Variants in DIAPH2 observed in about 807,000 individuals in gnomAD.
The protein encoded by DIAPH2 is protein diaphanous homolog 2.
A neutral mutation model predicts 92.7 loss-of-function variants in DIAPH2; 35 were observed. The observed-to-expected ratio is 0.38, with a 90% CI of 0.29 to 0.50. The LOEUF (loss-of-function observed/expected upper bound fraction) is 0.50, where lower values mean the gene tolerates loss of function less well. Among genes scored for constraint, DIAPH2 ranks in the 20% least tolerant of loss-of-function variants. The probability of loss-of-function intolerance (pLI) is 0.94; values close to 1 mark genes in which losing one functional copy is unlikely to be tolerated. For synonymous variants in DIAPH2, 301 were observed against 280.4 expected (o/e 1.07, Z -0.73); for missense variants, 701 against 819.5 (o/e 0.86, Z 1.77).
Position 97,585,253 on chromosome X carries a change from C to CT in DIAPH2, c.3242-13983dup, listed in dbSNP as rs5903087. Among the ~76,000 whole-genome samples, 549 of 92,195 alleles carry CT rather than the reference C, an allele frequency of 6.0e-3. 8 individuals carry two copies. The highest frequency in any genetic ancestry group is 0.02 in the African/African-American group (515 of 25,350). The allele number at this position is 92,195 out of a possible 115,157, so 80.1% of individuals were successfully genotyped here. A position where few individuals can be genotyped will look rare whatever the true frequency, so the allele number is the denominator to read the frequency against. ...ATAATGCCCTAGTGAGCTCCACTGA[C>CT]TTTTTTTTTTTTTTTTTAATGAAAT... On this transcript the variant is annotated intron_variant, in intron 26 of 26. Coordinates refer to ENST00000324765, the MANE Select transcript of DIAPH2 (RefSeq NM_006729.5).
Position 96,905,569 on chromosome X carries a change from A to T in DIAPH2, c.588-6759A>T, listed in dbSNP as rs775562367. Among the ~76,000 whole-genome samples the T allele has an allele frequency of 9.9e-5, 11 of 111,593 alleles. No individual in the cohort carries two copies. The South Asian group carries it at 2.7e-3, about 27-fold the overall frequency. On this transcript the variant is annotated intron_variant, in intron 5 of 26. Transcript: ENST00000324765. ...ATTGAATCTTCTGATACCTTCATTAAATGTAAGATTTTCTTTCCTTTGATC... is the reference window on the plus strand; with the variant it reads ...ATTGAATCTTCTGATACCTTCATTATATGTAAGATTTTCTTTCCTTTGATC...
intron 16 of DIAPH2, among the ~76,000 whole-genome samples, chrX:96,962,410 TATATATACAC>T (rs1232586740): frequency 3.3e-5 from 2 of 61,414 alleles, no homozygotes; most frequent in African/African-American, 1.1e-4. Flanking sequence ...TATACACATA[TATATATACAC>T]ATATATATAC....
At chrX:97,526,768 T>C (rs2071027233) in intron 26 of DIAPH2, among the ~76,000 whole-genome samples, 1 of 111,829 alleles carries the variant, frequency 8.9e-6, no homozygotes, top group African/African-American at 3.3e-5. Flanking sequence ...AATTCTCTTA[T>C]TTGAACATGT....
intron 26 of DIAPH2, among the ~76,000 whole-genome samples, chrX:97,452,768 G>C (rs1417576493): frequency 2.7e-5 from 3 of 112,218 alleles, no homozygotes; most frequent in Non-Finnish European, 5.6e-5. Context: ...AGTCACCCAC[G>C]TGAAAAGTCA....
At chrX:97,436,572 G>A (rs1602588323) in intron 26 of DIAPH2, among the ~76,000 whole-genome samples, 1 of 111,878 alleles carries the variant, frequency 8.9e-6, no homozygotes, top group South Asian at 3.8e-4. Context: ...ACCTCCGTAT[G>A]TATTAGGGAA....
intron 22 of DIAPH2, among the ~76,000 whole-genome samples, chrX:97,160,002 C>T (rs868737230): frequency 1.8e-5 from 2 of 108,227 alleles, no homozygotes; most frequent in African/African-American, 3.4e-5. Flanking sequence ...AATCACAAGG[C>T]GCCAAGCAAG....
At chrX:96,962,458 T>TATATATAC in intron 16 of DIAPH2, among the ~76,000 whole-genome samples, 2 of 57,290 alleles carry the variant, frequency 3.5e-5, no homozygotes, top group African/African-American at 1.5e-4. Context: ...TACACACACA[T>TATATATAC]ATATATATAC....
At chrX:97,100,601 G>C (rs1041242827) in intron 20 of DIAPH2, among the ~76,000 whole-genome samples, 7 of 111,948 alleles carry the variant, frequency 6.3e-5, no homozygotes, top group Non-Finnish European at 1.3e-4. Flanking sequence ...TTTGTTTGCT[G>C]TATGAATAAA....
chrX:96,848,631 A>C (rs1375870817), intron 4 of DIAPH2, among the ~76,000 whole-genome samples: 2 of 111,864 alleles, frequency 1.8e-5, no homozygotes, highest in Non-Finnish European at 3.8e-5. Flanking sequence ...TTTTTTGTTG[A>C]ATAAATGGAT....
chrX:97,485,555 T>C (rs1462734498), intron 26 of DIAPH2, among the ~76,000 whole-genome samples: 1 of 112,982 alleles, frequency 8.9e-6, no homozygotes, highest in African/African-American at 3.2e-5. Context: ...TCCAAGGAAG[T>C]CCAAAAGATA....
At chrX:97,357,223 T>C (rs778259798) in intron 24 of DIAPH2, among the ~76,000 whole-genome samples, 18 of 111,994 alleles carry the variant, frequency 1.6e-4, no homozygotes, top group East Asian at 1.4e-3. Flanking sequence ...GAGGTATTGA[T>C]TGTGATCAGA....
intron 19 of DIAPH2, among the ~76,000 whole-genome samples, chrX:97,093,218 A>AGAGG (rs774367940): frequency 8.8e-5 from 7 of 79,615 alleles, no homozygotes; most frequent in Admixed American, 5.0e-4. Context: ...AGAGAGAGAG[A>AGAGG]GAGGGAGGGA....
intron 23 of DIAPH2, among the ~76,000 whole-genome samples, chrX:97,274,898 C>T (rs1305849471): frequency 1.8e-5 from 2 of 110,922 alleles, no homozygotes; most frequent in Non-Finnish European, 3.8e-5. Flanking sequence ...TCTTGCACCG[C>T]CCTTAATCCA....
At chrX:97,241,216 A>C (rs2147540381) in intron 22 of DIAPH2, among the ~76,000 whole-genome samples, 1 of 112,501 alleles carries the variant, frequency 8.9e-6, no homozygotes, top group African/African-American at 3.2e-5. Flanking sequence ...GTTAATACAT[A>C]AAACTACTTA....
chrX:97,054,159 T>C (rs2066539610), intron 17 of DIAPH2, among the ~76,000 whole-genome samples: 1 of 112,152 alleles, frequency 8.9e-6, no homozygotes, highest in Admixed American at 9.5e-5. Flanking sequence ...ATTTTGTTTA[T>C]AGATATAGAG....
chrX:97,461,702 A>C (rs1388924570), intron 26 of DIAPH2, among the ~76,000 whole-genome samples: 1 of 111,311 alleles, frequency 9.0e-6, no homozygotes, highest in Non-Finnish European at 1.9e-5. Context: ...GCTAAACCAA[A>C]ACTCATAATC....
At chrX:96,809,517 TC>T (rs2064658313) in intron 4 of DIAPH2, among the ~76,000 whole-genome samples, 2 of 107,401 alleles carry the variant, frequency 1.9e-5, no homozygotes, top group African/African-American at 6.7e-5. Context: ...TTTCTTTCTT[TC>T]TTTTTTTTTT....
chrX:97,421,725 G>A (rs2070010769), intron 25 of DIAPH2, among the ~76,000 whole-genome samples: 2 of 111,632 alleles, frequency 1.8e-5, no homozygotes, highest in South Asian at 7.6e-4. Flanking sequence ...TGCATGCTAC[G>A]GTGAGGCTGA....
chrX:96,955,604 C>T (rs1174304793), intron 15 of DIAPH2, among the ~76,000 whole-genome samples: 1 of 111,713 alleles, frequency 9.0e-6, no homozygotes, highest in Non-Finnish European at 1.9e-5. Context: ...TAGTCACTTC[C>T]TAGATACAAT....
Sources: allele counts gnomAD v4.1 joint callset (sites outside exome capture counted in the v4.1 genomes callset), GRCh38; gene constraint gnomAD v4.1.1; transcripts MANE v1.5; gene names NCBI Gene and HGNC (gene_info 2026-07-23, HGNC 2026-07-21).